Variants in NBEA observed in about 807,000 individuals in gnomAD.
NBEA encodes the protein neurobeachin, also known as lysosomal-trafficking regulator 2.
NBEA carries 44 observed loss-of-function variants against 343.4 expected under a neutral mutation model. The observed-to-expected ratio is 0.13, with a 90% CI of 0.10 to 0.16. NBEA has a LOEUF of 0.16. Ranked by LOEUF, NBEA falls within the 10% of genes least tolerant of loss-of-function variation. NBEA has a pLI of 1.00. For synonymous variants in NBEA, 1,175 were observed against 1,238.7 expected (o/e 0.95, Z 1.08); for missense variants, 2,555 against 3,631.3 (o/e 0.70, Z 7.62).
At chr13:34,990,626 G>A (rs2060718419) in intron 1 of NBEA, among the ~76,000 whole-genome samples, 1 of 150,968 alleles carries the variant, frequency 6.6e-6, no homozygotes, top group East Asian at 1.9e-4. Context: ...AGGGGCTGCG[G>A]GAAAGCCTTC....
At chr13:35,568,711 C>T (rs1299054694) in intron 45 of NBEA, among the ~76,000 whole-genome samples, 1 of 152,068 alleles carries the variant, frequency 6.6e-6, no homozygotes, top group Non-Finnish European at 1.5e-5. Flanking sequence ...TCAATATATA[C>T]ATTATATACT....
At chr13:35,281,983 G>A (rs1259464703) in intron 34 of NBEA, among the ~76,000 whole-genome samples, 1 of 151,930 alleles carries the variant, frequency 6.6e-6, no homozygotes, top group Admixed American at 6.6e-5. Context: ...CCCAGTCTTG[G>A]CCCACTGCAA....
At chr13:35,608,804 G>A (rs12584274) in intron 48 of NBEA, among the ~76,000 whole-genome samples, 14,725 of 149,022 alleles carry the variant, frequency 0.099, 830 homozygotes, top group African/African-American at 0.15. Context: ...TTACCTGTCA[G>A]GCATTAAGCA....
intron 49 of NBEA, among the ~76,000 whole-genome samples, chr13:35,633,264 G>A (rs1425110900): frequency 6.6e-6 from 1 of 150,912 alleles, no homozygotes; most frequent in Non-Finnish European, 1.5e-5. Context: ...TGCCACGCCC[G>A]GCTAATTTTT....
chr13:35,037,804 C>T (rs1410785251), intron 1 of NBEA, among the ~76,000 whole-genome samples: 1 of 152,184 alleles, frequency 6.6e-6, no homozygotes, highest in Non-Finnish European at 1.5e-5. Context: ...GAAGCAAGCA[C>T]AGTGCTGGGT....
At chr13:35,316,114 T>C (rs1428780872) in intron 36 of NBEA, among the ~76,000 whole-genome samples, 2 of 152,032 alleles carry the variant, frequency 1.3e-5, no homozygotes, top group African/African-American at 4.8e-5. Context: ...ATTATTATTA[T>C]TTTCTAATAT....
chr13:35,106,601 TATTC>T (rs1463091745), intron 11 of NBEA, among the ~76,000 whole-genome samples: 1 of 151,928 alleles, frequency 6.6e-6, no homozygotes, highest in African/African-American at 2.4e-5. Flanking sequence ...TTGAAGAGAA[TATTC>T]ATTTATGCAT....
intron 34 of NBEA, among the ~76,000 whole-genome samples, chr13:35,270,333 T>C (rs1384749597): frequency 6.6e-6 from 1 of 152,190 alleles, no homozygotes; most frequent in Non-Finnish European, 1.5e-5. Context: ...AAGACATGAT[T>C]TGTCAAGAAG....
rs529711454 is a variant in NBEA at position 35,426,100 on chromosome 13, C to T, written c.6180-6169C>T. ...CACTGATGGGTCTTGACTCTTTATC[C>T]AATTTGCCAGTCTGTTTCTTTTAAT... On this transcript the variant is annotated intron_variant, in intron 38 of 58. Transcript: ENST00000379939. Among the ~76,000 whole-genome samples, 3 of 152,244 alleles carry T rather than the reference C, an allele frequency of 2.0e-5. No individual in the cohort carries two copies. The South Asian group carries it at 6.2e-4, about 32-fold the overall frequency.
intron 1 of NBEA, among the ~76,000 whole-genome samples, chr13:35,040,351 T>C (rs528526682): frequency 2.4e-4 from 36 of 152,200 alleles, no homozygotes; most frequent in Admixed American, 4.6e-4. Flanking sequence ...ATCAGCTTTC[T>C]TTTACCCAAT....
At chr13:35,191,414 C>T (rs1048472820) in intron 30 of NBEA, among the ~76,000 whole-genome samples, 3 of 151,880 alleles carry the variant, frequency 2.0e-5, no homozygotes, top group Non-Finnish European at 2.9e-5. Flanking sequence ...CTCTTATGGG[C>T]GTATAAGTTA....
chr13:35,050,897 T>A (rs1566211393), intron 6 of NBEA, among the ~76,000 whole-genome samples: 1 of 151,978 alleles, frequency 6.6e-6, no homozygotes, highest in Non-Finnish European at 1.5e-5. Context: ...TGCTGTACTG[T>A]TAGTTTTGGC....
intron 41 of NBEA, among the ~76,000 whole-genome samples, chr13:35,533,003 T>C (rs1327207053): frequency 6.6e-6 from 1 of 152,108 alleles, no homozygotes; most frequent in African/African-American, 2.4e-5. Context: ...ATTCACAGCA[T>C]AAATTCATAG....
chr13:35,647,293 G>A (rs995347531), intron 51 of NBEA, among the ~76,000 whole-genome samples: 8 of 152,028 alleles, frequency 5.3e-5, no homozygotes, highest in African/African-American at 9.6e-5. Flanking sequence ...GTAAAAATGC[G>A]TTCACAAGAT....
At chr13:35,201,342 C>A (rs2073006095) in intron 31 of NBEA, among the ~76,000 whole-genome samples, 2 of 151,874 alleles carry the variant, frequency 1.3e-5, no homozygotes, top group South Asian at 4.2e-4. Flanking sequence ...TTTATTGTTT[C>A]TTAAACATAT....
intron 41 of NBEA, among the ~76,000 whole-genome samples, chr13:35,543,225 A>G (rs1183990571): frequency 6.6e-6 from 1 of 152,236 alleles, no homozygotes; most frequent in Non-Finnish European, 1.5e-5. Context: ...TAGTTAACAC[A>G]TGCACATATG....
At chr13:35,066,812 T>C (rs541985100) in intron 8 of NBEA, among the ~76,000 whole-genome samples, 2 of 152,206 alleles carry the variant, frequency 1.3e-5, no homozygotes, top group South Asian at 2.1e-4. Context: ...CATTTTATTT[T>C]TTGTTAGCTA....
chr13:35,056,198 T>C (rs1460664352), intron 7 of NBEA, 69 bp downstream of exon 7: 4 of 1,244,328 alleles, frequency 3.2e-6, no homozygotes, highest in Non-Finnish European at 3.1e-6. Context: ...CAATATGAAT[T>C]AAATAATAAA....
intron 23 of NBEA, among the ~76,000 whole-genome samples, chr13:35,163,802 C>T (rs554518589): frequency 8.5e-5 from 13 of 152,120 alleles, no homozygotes; most frequent in African/African-American, 2.2e-4. Context: ...TATCATGTCA[C>T]TTCTTTAGCA....
Sources: gnomAD v4.1 joint callset for allele counts (sites outside exome capture counted in the v4.1 genomes callset) on GRCh38, gnomAD v4.1.1 for gene constraint, MANE v1.5 for transcripts, NCBI Gene and HGNC (gene_info 2026-07-23, HGNC 2026-07-21) for gene names.